The following PPP6R2 variants were observed in gnomAD, a reference collection of about 807,000 sequenced individuals.
The protein encoded by PPP6R2 is protein phosphatase 6 regulatory subunit 2.
A neutral mutation model predicts 100.2 loss-of-function variants in PPP6R2; 62 were observed. The observed-to-expected ratio is 0.62, with a 90% CI of 0.50 to 0.76. The LOEUF (loss-of-function observed/expected upper bound fraction) is 0.76. PPP6R2 is among the 30% of genes least tolerant of loss of function. PPP6R2 has a pLI of 0.00. For synonymous variants in PPP6R2, 525 were observed against 514.7 expected (o/e 1.02, Z -0.27); for missense variants, 1,142 against 1,276.3 (o/e 0.89, Z 1.60).
At chr22:50,367,675 A>C (rs1418585705) in intron 1 of PPP6R2, among the ~76,000 whole-genome samples, 4 of 152,222 alleles carry the variant, frequency 2.6e-5, no homozygotes, top group African/African-American at 9.6e-5. Flanking sequence ...TAGATGCTGG[A>C]TAAATTACAA....
the PPP6R2 span, among the ~76,000 whole-genome samples, chr22:50,336,577 A>T: frequency 8.6e-3 from 1,297 of 150,474 alleles, 13 homozygotes; most frequent in African/African-American, 0.03. Flanking sequence ...ATTTTTTTTT[A>T]GAGACTGGGT....
At chr22:50,368,129 G>A (rs1396615965) in intron 1 of PPP6R2, among the ~76,000 whole-genome samples, 1 of 152,248 alleles carries the variant, frequency 6.6e-6, no homozygotes, top group Non-Finnish European at 1.5e-5. Context: ...AGAAGGCGGA[G>A]CCAGGTGTAC....
Position 50,431,027 on chromosome 22 carries a change from C to T in PPP6R2, c.1126-146C>T, listed in dbSNP as rs8136898. Reference sequence around the variant, plus strand: ...AATAGAGAGATGACCCTCAGGAAAACGCTTAAAACTCCTTCCTAGCTACCC... The same window carrying T: ...AATAGAGAGATGACCCTCAGGAAAATGCTTAAAACTCCTTCCTAGCTACCC... On this transcript the variant is annotated intron_variant, in intron 10 of 23. Coordinates refer to ENST00000612753, the MANE Select transcript of PPP6R2 (RefSeq NM_001242898.2). This position sits in a 1 kb window ranked among gnomAD's most constrained non-coding sequence, Gnocchi z 4.8. The T allele has an allele frequency of 4.0e-4, 279 of 691,246 alleles. 4 individuals are homozygous for T. The highest frequency in any genetic ancestry group is 3.4e-3 in the South Asian group (196 of 57,298). The allele number at this position is 691,246 out of a possible 1,614,324, so 42.8% of individuals were successfully genotyped here.
In PPP6R2 at chr22:50,431,370, A is replaced by G; in HGVS notation, c.1323A>G (p.Thr441=). The G allele has an allele frequency of 6.2e-7, 1 of 1,612,318 alleles. No individual in the cohort carries two copies. The highest frequency in any genetic ancestry group is 8.5e-7 in the Non-Finnish European group (1 of 1,179,840). ...CGGCCGCCAGCCTCCCTGACAACACAATGGTGACCCACGTGAGTCCAAGAA... is the reference window on the plus strand; with the variant it reads ...CGGCCGCCAGCCTCCCTGACAACACGATGGTGACCCACGTGAGTCCAAGAA... ...PQPAASLPDN[T]MVTHLFQKCC... The change falls in exon 11 of 24, where the codon ACA becomes ACG. Residue 441 remains threonine (T), a synonymous_variant. Transcript: ENST00000612753. This position sits in a 1 kb window ranked among gnomAD's most constrained non-coding sequence, Gnocchi z 4.8.
chr22:50,398,166 C>CT (rs1203401826), intron 3 of PPP6R2, among the ~76,000 whole-genome samples: 6,230 of 131,170 alleles, frequency 0.047, 209 homozygotes, highest in Middle Eastern at 0.075. Context: ...GACTCCATCT[C>CT]TTTTTTTTTT....
intron 3 of PPP6R2, among the ~76,000 whole-genome samples, chr22:50,399,362 AGAAAATAG>A (rs2057660164): frequency 6.6e-6 from 1 of 152,262 alleles, no homozygotes; most frequent in East Asian, 1.9e-4. Flanking sequence ...AAGCAGCTAC[AGAAAATAG>A]TAAACAAATG....
chr22:50,331,683 T>C, the PPP6R2 span, among the ~76,000 whole-genome samples: 1 of 152,200 alleles, frequency 6.6e-6, no homozygotes, highest in East Asian at 1.9e-4. Flanking sequence ...AATGCAATTA[T>C]GTGATCTCAG....
At chr22:50,367,489 G>A (rs2049002221) in intron 1 of PPP6R2, among the ~76,000 whole-genome samples, 1 of 152,058 alleles carries the variant, frequency 6.6e-6, no homozygotes, top group African/African-American at 2.4e-5. Flanking sequence ...GAGGATGAGG[G>A]GTGGATGCTT....
rs1400010144 is a variant in PPP6R2, at chr22:50,406,805, C to A, written c.344C>A (p.Pro115His). The A allele has an allele frequency of 6.2e-7, 1 of 1,614,134 alleles. No individual in the cohort carries two copies. The highest frequency in any genetic ancestry group is 1.7e-5 in the Admixed American group (1 of 60,022). ...TACGACTTCTTGGACCATGAGCCGC[C>A]TCTCAATCCTCTGCTCGCCAGTTTT... ...LLYDFLDHEP[P>H]LNPLLASFFS... The change falls in exon 4 of 24, where the codon CCT (proline) becomes CAT (histidine). Residue 115 changes from proline (P) to histidine (H), a missense_variant. This residue lies in a region of PPP6R2 where 592 missense variants were observed against 758.9 expected (regional missense o/e 0.78). Transcript: ENST00000612753.
chr22:50,391,802 A>G (rs1437165251), intron 2 of PPP6R2: 1 of 150,818 alleles, frequency 6.6e-6, no homozygotes, highest in African/African-American at 2.4e-5. Flanking sequence ...GTTTTAAATT[A>G]TACTACTAGA....
intron 1 of PPP6R2, among the ~76,000 whole-genome samples, chr22:50,347,017 C>T (rs903999514): frequency 2.0e-5 from 3 of 151,832 alleles, no homozygotes; most frequent in African/African-American, 4.8e-5. Flanking sequence ...TGTCAGTGCC[C>T]CCCATCAGTG....
intron 1 of PPP6R2, among the ~76,000 whole-genome samples, chr22:50,368,910 T>C (rs188161252): frequency 6.6e-6 from 1 of 152,240 alleles, no homozygotes; most frequent in Admixed American, 6.5e-5. Context: ...TACAAAATCA[T>C]TGACTCAAGA....
intron 2 of PPP6R2, chr22:50,393,312 G>A: frequency 1.2e-6 from 1 of 843,074 alleles, no homozygotes. Context: ...GTGGCTGGGG[G>A]AGGCAGAGGA....
intron 1 of PPP6R2, among the ~76,000 whole-genome samples, chr22:50,366,672 G>A (rs115553451): frequency 0.015 from 2,305 of 152,294 alleles, 54 homozygotes; most frequent in African/African-American, 0.053. Flanking sequence ...ACTGATCAGT[G>A]CTTGGCTGGA....
At chr22:50,382,681 A>G (rs2053371855) in intron 2 of PPP6R2, among the ~76,000 whole-genome samples, 1 of 152,162 alleles carries the variant, frequency 6.6e-6, no homozygotes, top group African/African-American at 2.4e-5. Context: ...GCAATTAAAG[A>G]CTTGAATAAA....
chr22:50,418,812 G>A, intron 6 of PPP6R2, 55 bp from the exon 7 acceptor site: 1 of 1,422,832 alleles, frequency 7.0e-7, no homozygotes, highest in South Asian at 1.2e-5. Context: ...AGCAGGGCTG[G>A]TCCTGCTGTT....
chr22:50,384,676 C>T (rs772071280), intron 2 of PPP6R2, among the ~76,000 whole-genome samples: 2 of 151,816 alleles, frequency 1.3e-5, no homozygotes, highest in African/African-American at 4.8e-5. Context: ...CCCAAGGTGG[C>T]GTGGGACATC....
chr22:50,414,647 C>T lies in PPP6R2; in HGVS notation c.510C>T (p.Val170=), dbSNP rs1400805793. ...SALMDLLLRL[V]SCVEPAGLRQ... is the part of the protein sequence containing the mutation. The stretch of plus-strand genomic sequence containing the variant: ...TTATGGACCTGCTGCTGCGCCTGGT[C>T]AGCTGTGTGGAGCCAGCCGGGCTCC... The change falls in exon 5 of 24, where the codon GTC becomes GTT. Residue 170 remains valine (V), a synonymous_variant. Coordinates refer to ENST00000612753, the MANE Select transcript of PPP6R2 (RefSeq NM_001242898.2). 1 of 1,613,472 alleles carries T rather than the reference C, an allele frequency of 6.2e-7. No homozygotes were observed. The highest frequency in any genetic ancestry group is 8.5e-7 in the Non-Finnish European group (1 of 1,179,974).
intron 1 of PPP6R2, among the ~76,000 whole-genome samples, chr22:50,350,809 C>T (rs913376511): frequency 6.0e-5 from 9 of 148,814 alleles, no homozygotes; most frequent in African/African-American, 2.2e-4. Context: ...TGCCCCACTG[C>T]ACTCCAGCCT....
Sources: gnomAD v4.1 joint callset for allele counts (sites outside exome capture counted in the v4.1 genomes callset) on GRCh38, gnomAD v4.1.1 for gene constraint, gnomAD v4.1.1 regional missense constraint, Gnocchi (gnomAD v3.1) non-coding constraint, MANE v1.5 for transcripts, NCBI Gene and HGNC (gene_info 2026-07-23, HGNC 2026-07-21) for gene names.